Variants in ELAVL2 observed in about 807,000 individuals in gnomAD.
The protein encoded by ELAVL2 is ELAV like RNA binding protein 2, also known as ELAV-like protein 2.
A neutral mutation model predicts 34.6 loss-of-function variants in ELAVL2; 4 were observed. The ratio of observed to expected loss-of-function variants is 0.12; its 90% CI spans 0.06 to 0.26. ELAVL2 has a LOEUF of 0.26. Ranked by LOEUF, ELAVL2 falls within the 10% of genes least tolerant of loss-of-function variation. ELAVL2 has a pLI of 1.00. For synonymous variants in ELAVL2, 193 were observed against 154.8 expected (o/e 1.25, Z -1.83); for missense variants, 432 against 442.8 (o/e 0.98, Z 0.22).
At chr9:23,769,128 C>A (rs946004089) in intron 1 of ELAVL2, among the ~76,000 whole-genome samples, 12 of 152,154 alleles carry the variant, frequency 7.9e-5, no homozygotes, top group African/African-American at 2.9e-4. Flanking sequence ...CCACATCAAA[C>A]CTCTCCCTAA....
In ELAVL2 at chr9:23,693,004, A is replaced by G. The variant is rs2033719487; in HGVS notation, c.753-120T>C. 8 of 886,492 alleles carry G rather than the reference A, an allele frequency of 9.0e-6. No individual in the cohort carries two copies. In the South Asian group the frequency reaches 1.4e-4, roughly 16 times the overall value. 54.9% of individuals were successfully genotyped at this position (886,492 alleles called of 1,614,324 possible). The stretch of plus-strand genomic sequence containing the variant: ...ATTTTAGTAACTCTCCTCCCCCAAC[A>G]AATATATAAACTATTTCATGTTTTG... On this transcript the variant is annotated intron_variant, in intron 6 of 6. Coordinates refer to ENST00000397312, the MANE Select transcript of ELAVL2 (RefSeq NM_004432.5).
At chr9:23,827,841 G>A (rs995291386), upstream of ELAVL2, among the ~76,000 whole-genome samples, 1 of 152,112 alleles carries the variant, frequency 6.6e-6, no homozygotes, top group Non-Finnish European at 1.5e-5. Context: ...TTTATCTCCC[G>A]TGTAGCCTGT....
chr9:23,762,819 T>G (rs1364105894), intron 1 of ELAVL2, among the ~76,000 whole-genome samples: 1 of 152,128 alleles, frequency 6.6e-6, no homozygotes, highest in African/African-American at 2.4e-5. Flanking sequence ...ACGTTTTTGA[T>G]GGACAATATC....
chr9:23,781,931 G>A (rs552964363), intron 1 of ELAVL2, among the ~76,000 whole-genome samples: 3 of 152,084 alleles, frequency 2.0e-5, no homozygotes, highest in South Asian at 2.1e-4. Context: ...TGAGCCGCCC[G>A]CCTCGGCCTC....
At chr9:23,778,422 G>T (rs938463010) in intron 1 of ELAVL2, among the ~76,000 whole-genome samples, 3 of 152,146 alleles carry the variant, frequency 2.0e-5, no homozygotes, top group African/African-American at 7.2e-5. Flanking sequence ...TTTCACCAAT[G>T]TAACAATTTC....
intron 2 of ELAVL2, among the ~76,000 whole-genome samples, chr9:23,755,834 C>G (rs2053423681): frequency 6.6e-6 from 1 of 152,136 alleles, no homozygotes; most frequent in South Asian, 2.1e-4. Context: ...AACCACCCTG[C>G]TGTTTCCAAC....
At chr9:23,731,627 C>T (rs2046573020) in intron 2 of ELAVL2, among the ~76,000 whole-genome samples, 1 of 152,042 alleles carries the variant, frequency 6.6e-6, no homozygotes, top group African/African-American at 2.4e-5. Context: ...GGTGAAGAAC[C>T]ATGTGTGGGC....
intron 1 of ELAVL2, among the ~76,000 whole-genome samples, chr9:23,770,314 T>C (rs1302408247): frequency 1.3e-5 from 2 of 152,102 alleles, no homozygotes; most frequent in South Asian, 2.1e-4. Context: ...AAGGTGAGCT[T>C]TGAACCAAGG....
rs147306645 is a variant in ELAVL2 at position 23,761,282 on chromosome 9, T to C, written c.229+724A>G. 3.1e-4 allele frequency among the ~76,000 whole-genome samples: 47 copies of C among 152,230 alleles called. No homozygotes were observed. The East Asian group carries it at 4.8e-3, about 16-fold the overall frequency. On this transcript the variant is annotated intron_variant, in intron 2 of 6. Transcript: ENST00000397312. Reference sequence around the variant, plus strand: ...TATGTATGTCTAACTTCATGTATTTTTAGTGTTTGAAAACAACTCCTGCAG... The same window carrying C: ...TATGTATGTCTAACTTCATGTATTTCTAGTGTTTGAAAACAACTCCTGCAG...
At chr9:23,714,355 C>A (rs1340332136) in intron 3 of ELAVL2, among the ~76,000 whole-genome samples, 1 of 152,176 alleles carries the variant, frequency 6.6e-6, no homozygotes, top group Non-Finnish European at 1.5e-5. Context: ...ATAAATGAGG[C>A]TTCTTCCAAA....
chr9:23,765,088 T>C, intron 1 of ELAVL2: 1 of 1,602,668 alleles, frequency 6.2e-7, no homozygotes, highest in South Asian at 1.1e-5. Flanking sequence ...CATGTTAGTT[T>C]GGAGTTGCCG....
Position 23,762,087 on chromosome 9 carries a change from T to C in ELAVL2, c.148A>G (p.Met50Val), listed in dbSNP as rs753157617. 27 of 1,613,420 alleles carry C rather than the reference T, an allele frequency of 1.7e-5. No individual in the cohort carries two copies. Among genetic ancestry groups the C allele is most frequent in the Non-Finnish European group, 2.3e-5 (27 of 1,179,606 alleles). Reference sequence around the variant, plus strand: ...AGACTCTTTAGTTCCTCCTGTGTCATGTTCTGAGGAAGGTAGTTGACTATT... The same window carrying C: ...AGACTCTTTAGTTCCTCCTGTGTCACGTTCTGAGGAAGGTAGTTGACTATT... ...NLIVNYLPQN[M>V]TQEELKSLFG... is the part of the protein sequence containing the mutation. The change falls in exon 2 of 7, where the codon ATG becomes GTG. Residue 50 changes from methionine to valine, a missense_variant. Met to Val is a conservative substitution (Grantham distance 21, BLOSUM62 1). Around this residue, in one of 3 missense-constraint regions of ELAVL2, gnomAD observed 132 missense variants for 118.3 expected, o/e 1.12. Transcript: ENST00000397312.
intron 1 of ELAVL2, among the ~76,000 whole-genome samples, chr9:23,809,126 T>A (rs2062634176): frequency 6.6e-6 from 1 of 152,166 alleles, no homozygotes; most frequent in Admixed American, 6.5e-5. Flanking sequence ...AGCTAACCAG[T>A]ACGGAGCAGC....
intron 2 of ELAVL2, among the ~76,000 whole-genome samples, chr9:23,732,077 A>T (rs75490218): frequency 1.3e-5 from 2 of 152,242 alleles, no homozygotes; most frequent in African/African-American, 2.4e-5. Flanking sequence ...CAAAAATGGC[A>T]TAAGAAAAGT....
At chr9:23,732,229 A>G (rs1259516265) in intron 2 of ELAVL2, among the ~76,000 whole-genome samples, 1 of 152,200 alleles carries the variant, frequency 6.6e-6, no homozygotes, top group Non-Finnish European at 1.5e-5. Flanking sequence ...CCGTAGGTGC[A>G]AGTGGTTATC....
intron 3 of ELAVL2, among the ~76,000 whole-genome samples, chr9:23,727,473 G>A (rs1241945304): frequency 6.6e-6 from 1 of 152,076 alleles, no homozygotes; most frequent in Non-Finnish European, 1.5e-5. Flanking sequence ...GATTATTAAG[G>A]TAAAATGCTA....
intron 3 of ELAVL2, among the ~76,000 whole-genome samples, chr9:23,726,774 A>G (rs1193547348): frequency 6.6e-6 from 1 of 151,448 alleles, no homozygotes; most frequent in Non-Finnish European, 1.5e-5. Flanking sequence ...ACAAGTCAAA[A>G]GTATTGGCTT....
intron 1 of ELAVL2, among the ~76,000 whole-genome samples, chr9:23,796,873 T>A (rs2060995158): frequency 6.6e-6 from 1 of 152,242 alleles, no homozygotes; most frequent in Non-Finnish European, 1.5e-5. Flanking sequence ...AGAAAATAGA[T>A]TCTGACTTGC....
the ELAVL2 span, among the ~76,000 whole-genome samples, chr9:23,834,982 G>A: frequency 2.0e-5 from 3 of 151,972 alleles, no homozygotes; most frequent in Non-Finnish European, 4.4e-5. Flanking sequence ...AGGTATAGAA[G>A]GACATAAAGT....
Sources: allele counts gnomAD v4.1 joint callset (sites outside exome capture counted in the v4.1 genomes callset), GRCh38; gene constraint gnomAD v4.1.1; regional missense constraint gnomAD v4.1.1; transcripts MANE v1.5; gene names NCBI Gene and HGNC (gene_info 2026-07-23, HGNC 2026-07-21).